LYPLAL1: variants seen among roughly 807,000 people sequenced by gnomAD.
LYPLAL1 encodes lysophospholipase-like protein 1.
LYPLAL1 carries 23 observed loss-of-function variants against 19.7 expected under a neutral mutation model. The observed-to-expected ratio is 1.17, with a 90% CI of 0.84 to 1.65. The LOEUF (loss-of-function observed/expected upper bound fraction) is 1.65. Among genes scored for constraint, LYPLAL1 ranks in the 40% most tolerant of loss-of-function variants. The pLI is 0.00. For synonymous variants in LYPLAL1, 119 were observed against 96.3 expected, an observed-to-expected ratio of 1.24 and a Z score of -1.38; for missense variants, 355 against 279.4, an observed-to-expected ratio of 1.27 and a Z score of -1.93.
chr1:219,365,618 G>C, the LYPLAL1 span, among the ~76,000 whole-genome samples: 1 of 152,090 alleles, frequency 6.6e-6, no homozygotes, highest in Non-Finnish European at 1.5e-5. Flanking sequence ...CCTGGGAATG[G>C]TGCCAGACCA....
chr1:219,341,885 G>T, the LYPLAL1 span, among the ~76,000 whole-genome samples: 1 of 152,102 alleles, frequency 6.6e-6, no homozygotes, highest in African/African-American at 2.4e-5. Flanking sequence ...TCTCAATAAG[G>T]AGCATTTGAT....
the LYPLAL1 span, among the ~76,000 whole-genome samples, chr1:219,426,943 C>T: frequency 1.3e-5 from 2 of 152,200 alleles, no homozygotes; most frequent in African/African-American, 4.8e-5. Context: ...AAGAAAGGTG[C>T]TGATTATCTT....
intron 1 of LYPLAL1, chr1:219,174,280 A>G (rs1369884677): frequency 1.5e-6 from 2 of 1,295,950 alleles, no homozygotes; most frequent in Non-Finnish European, 2.0e-6. Context: ...CCTCGCCCCA[A>G]GTTTAAACAG....
chr1:219,380,942 G>C, the LYPLAL1 span, among the ~76,000 whole-genome samples: 1 of 152,064 alleles, frequency 6.6e-6, no homozygotes. Flanking sequence ...GCCATAGTTT[G>C]CCAACCCTTG....
At chr1:219,256,542 ACT>A in the LYPLAL1 span, among the ~76,000 whole-genome samples, 1 of 151,272 alleles carries the variant, frequency 6.6e-6, no homozygotes, top group Non-Finnish European at 1.5e-5. Context: ...GAAAGAACAA[ACT>A]TTTGGCTTTC....
At chr1:219,288,851 C>T in the LYPLAL1 span, among the ~76,000 whole-genome samples, 6 of 151,948 alleles carry the variant, frequency 3.9e-5, no homozygotes, top group Non-Finnish European at 8.8e-5. Flanking sequence ...TAAAATTGTA[C>T]TTTAACTTGT....
intron 3 of LYPLAL1, among the ~76,000 whole-genome samples, chr1:219,205,322 A>G (rs1263112193): frequency 6.9e-6 from 1 of 145,202 alleles, no homozygotes; most frequent in East Asian, 2.1e-4. Flanking sequence ...GCGCCACTGC[A>G]GTCCGCAGTC....
chr1:219,317,123 T>A, the LYPLAL1 span, among the ~76,000 whole-genome samples: 2 of 152,362 alleles, frequency 1.3e-5, no homozygotes, highest in East Asian at 3.9e-4. Context: ...GTTCAATTTT[T>A]ATAAACTTGC....
At chr1:219,291,076 G>A in the LYPLAL1 span, among the ~76,000 whole-genome samples, 2 of 152,106 alleles carry the variant, frequency 1.3e-5, no homozygotes, top group East Asian at 1.9e-4. Context: ...GTTAACCAAC[G>A]CTTGAGTAAG....
chr1:219,234,757 G>T, the LYPLAL1 span, among the ~76,000 whole-genome samples: 2 of 151,960 alleles, frequency 1.3e-5, no homozygotes, highest in African/African-American at 4.8e-5. Flanking sequence ...ATAACATAAC[G>T]TGATTGCTGA....
chr1:219,365,293 A>G, the LYPLAL1 span, among the ~76,000 whole-genome samples: 3 of 152,254 alleles, frequency 2.0e-5, no homozygotes, highest in African/African-American at 4.8e-5. Flanking sequence ...TTTTCAGCCA[A>G]TGCTTAATGA....
chr1:219,423,770 C>T, the LYPLAL1 span, among the ~76,000 whole-genome samples: 1 of 152,008 alleles, frequency 6.6e-6, no homozygotes. Context: ...TTAGCAGCAT[C>T]ACTCAGACAC....
At chr1:219,226,581 A>G in the LYPLAL1 span, among the ~76,000 whole-genome samples, 1 of 145,712 alleles carries the variant, frequency 6.9e-6, no homozygotes, top group Non-Finnish European at 1.5e-5. Flanking sequence ...TCTCTTTGGA[A>G]TAACACATAG....
At chr1:219,238,311 T>A in the LYPLAL1 span, among the ~76,000 whole-genome samples, 7 of 136,088 alleles carry the variant, frequency 5.1e-5, no homozygotes, top group East Asian at 1.2e-3. Context: ...CTAATTTTTT[T>A]TTTTTTTTTT....
At chr1:219,261,160 C>CACCATAT in the LYPLAL1 span, among the ~76,000 whole-genome samples, 1 of 152,162 alleles carries the variant, frequency 6.6e-6, no homozygotes, top group Non-Finnish European at 1.5e-5. Context: ...CATTAAACCT[C>CACCATAT]ACCATAAAAT....
the LYPLAL1 span, among the ~76,000 whole-genome samples, chr1:219,308,165 T>G: frequency 1.3e-5 from 2 of 152,294 alleles, no homozygotes; most frequent in Admixed American, 1.3e-4. Context: ...GCCCCTGCCC[T>G]AGAGATTTAT....
At chr1:219,250,340 T>A in the LYPLAL1 span, among the ~76,000 whole-genome samples, 1 of 151,990 alleles carries the variant, frequency 6.6e-6, no homozygotes, top group Non-Finnish European at 1.5e-5. Context: ...TGTGTTTGTT[T>A]CTATTCCCTC....
At chr1:219,329,599 T>A in the LYPLAL1 span, among the ~76,000 whole-genome samples, 1 of 152,220 alleles carries the variant, frequency 6.6e-6, no homozygotes. Flanking sequence ...CTTTTTATTA[T>A]GCATTTCAAA....
intron 4 of LYPLAL1, among the ~76,000 whole-genome samples, chr1:219,211,285 G>A (rs1323876310): frequency 2.0e-5 from 3 of 152,074 alleles, no homozygotes; most frequent in Non-Finnish European, 4.4e-5. Flanking sequence ...GTGACACACA[G>A]TTACAAATTG....
Sources: allele counts gnomAD v4.1 joint callset (sites outside exome capture counted in the v4.1 genomes callset), GRCh38; gene constraint gnomAD v4.1.1; transcripts MANE v1.5; gene names NCBI Gene and HGNC (gene_info 2026-07-23, HGNC 2026-07-21).